Variants in PSD3 observed in about 807,000 individuals in gnomAD.
PSD3 encodes PH and SEC7 domain-containing protein 3.
Under a neutral mutation model 105.5 loss-of-function variants are expected in PSD3, and 49 were observed. That is an observed-to-expected ratio of 0.46 (90% CI 0.37 to 0.59). PSD3 has a LOEUF of 0.59. Among genes scored for constraint, PSD3 ranks in the 20% least tolerant of loss-of-function variants. The probability of loss-of-function intolerance (pLI) is 0.00; values close to 1 mark genes in which losing one functional copy is unlikely to be tolerated. For synonymous variants in PSD3, 557 were observed against 457.8 expected, an observed-to-expected ratio of 1.22 and a Z score of -2.77; for missense variants, 1,561 against 1,263.8, an observed-to-expected ratio of 1.24 and a Z score of -3.57.
chr8:18,916,887 G>GAA (rs113682944), intron 2 of PSD3, among the ~76,000 whole-genome samples: 6,949 of 150,874 alleles, frequency 0.046, 197 homozygotes, highest in Admixed American at 0.08. Flanking sequence ...TGAAGGAAAT[G>GAA]AAAAAAAAGG....
intron 1 of PSD3, among the ~76,000 whole-genome samples, chr8:19,041,351 G>A (rs898907708): frequency 2.0e-5 from 3 of 152,212 alleles, no homozygotes; most frequent in African/African-American, 7.2e-5. Context: ...GTGCCATAGG[G>A]AATGTTGTAC....
chr8:18,715,651 T>C (rs950653512), intron 9 of PSD3, among the ~76,000 whole-genome samples: 3 of 152,166 alleles, frequency 2.0e-5, no homozygotes, highest in African/African-American at 4.8e-5. Flanking sequence ...CAGGCATCAA[T>C]GCTCTACCTC....
chr8:18,617,892 T>C (rs553721387), intron 11 of PSD3, among the ~76,000 whole-genome samples: 227 of 152,308 alleles, frequency 1.5e-3, no homozygotes, highest in African/African-American at 5.3e-3. Flanking sequence ...AAATGCATTT[T>C]CTTTGACATA....
chr8:19,082,790 G>A (rs1245956597), intron 1 of PSD3, among the ~76,000 whole-genome samples: 1 of 152,236 alleles, frequency 6.6e-6, no homozygotes, highest in African/African-American at 2.4e-5. Flanking sequence ...GATGGGCTCT[G>A]ATGCAGGAGT....
chr8:18,787,068 G>C (rs1809235207), intron 8 of PSD3, among the ~76,000 whole-genome samples: 1 of 152,050 alleles, frequency 6.6e-6, no homozygotes, highest in African/African-American at 2.4e-5. Flanking sequence ...CTATTATTCA[G>C]GCAAACACTA....
intron 1 of PSD3, among the ~76,000 whole-genome samples, chr8:19,076,205 T>A (rs1207098462): frequency 6.6e-6 from 1 of 152,276 alleles, no homozygotes; most frequent in Non-Finnish European, 1.5e-5. Flanking sequence ...TCCATGAGCT[T>A]TCTCAAATGG....
rs113319688 is a variant in PSD3 at position 18,647,432 on chromosome 8, G to C, written c.2216+8210C>G. On this transcript the variant is annotated intron_variant, in intron 10 of 15. Transcript: ENST00000327040. ...TGTTATTGTTATAAAATGAGTTGTA[G>C]GGCAATATGAAATTGCAGGAAAGAT... Among the ~76,000 whole-genome samples the C allele has an allele frequency of 4.6e-5, 7 of 152,226 alleles. No individual in the cohort carries two copies. In the East Asian group the frequency reaches 7.7e-4, roughly 17 times the overall value.
chr8:18,625,055 A>G (rs1806379763), intron 11 of PSD3, among the ~76,000 whole-genome samples: 2 of 152,010 alleles, frequency 1.3e-5, no homozygotes, highest in African/African-American at 2.4e-5. Flanking sequence ...AATCTTAAGA[A>G]TTCACTTTCT....
At chr8:19,070,916 T>G (rs1347566871) in intron 1 of PSD3, among the ~76,000 whole-genome samples, 1 of 152,204 alleles carries the variant, frequency 6.6e-6, no homozygotes, top group Non-Finnish European at 1.5e-5. Context: ...ACTCTTTTCT[T>G]TAGTTAGGCT....
At chr8:18,973,690 C>A (rs1004320727) in intron 1 of PSD3, among the ~76,000 whole-genome samples, 8 of 152,128 alleles carry the variant, frequency 5.3e-5, no homozygotes, top group African/African-American at 1.9e-4. Flanking sequence ...ATATGAAAGG[C>A]CATATCTGAA....
chr8:18,934,449 C>G (rs995238144), intron 2 of PSD3, among the ~76,000 whole-genome samples: 1 of 152,066 alleles, frequency 6.6e-6, no homozygotes, highest in Non-Finnish European at 1.5e-5. Context: ...CTCGCTCTAT[C>G]GCCCAGGCTG....
At chr8:18,633,042 A>G (rs899037656) in intron 10 of PSD3, among the ~76,000 whole-genome samples, 5 of 151,994 alleles carry the variant, frequency 3.3e-5, no homozygotes, top group African/African-American at 1.2e-4. Context: ...AAGGAAATAG[A>G]CTCAGTGAGT....
At chr8:18,677,957 C>T (rs1327569326) in intron 9 of PSD3, among the ~76,000 whole-genome samples, 2 of 150,756 alleles carry the variant, frequency 1.3e-5, no homozygotes, top group African/African-American at 4.9e-5. Context: ...TTGCAGTGAG[C>T]CGAGATCAGG....
At chr8:18,537,896 C>T (rs910100186) in intron 15 of PSD3, among the ~76,000 whole-genome samples, 5 of 152,170 alleles carry the variant, frequency 3.3e-5, no homozygotes, top group African/African-American at 9.7e-5. Flanking sequence ...AGGCTGGCCT[C>T]GAACTCCTGA....
intron 1 of PSD3, among the ~76,000 whole-genome samples, chr8:19,031,210 C>G (rs1688568897): frequency 6.6e-6 from 1 of 152,148 alleles, no homozygotes; most frequent in Non-Finnish European, 1.5e-5. Context: ...GTCAAGTAAG[C>G]AAGAAATAAA....
rs893973399 is a variant in PSD3 at position 18,728,597 on chromosome 8, T to G, written c.2172+36852A>C. Among the ~76,000 whole-genome samples the G allele has an allele frequency of 2.0e-5, 3 of 151,844 alleles. No individual in the cohort carries two copies. In the East Asian group the frequency reaches 5.8e-4, roughly 29 times the overall value. ...TGAAGGAAGTTCAGTGGTTCTGGAG[T>G]ACATGGGCAGCAAAGAGCCAAAGCT... is the stretch of plus-strand genomic sequence containing the variant. On this transcript the variant is annotated intron_variant, in intron 9 of 15. Coordinates refer to ENST00000327040, the MANE Select transcript of PSD3 (RefSeq NM_015310.4).
intron 9 of PSD3, among the ~76,000 whole-genome samples, chr8:18,720,676 C>T (rs954041046): frequency 5.9e-5 from 9 of 152,014 alleles, no homozygotes; most frequent in Non-Finnish European, 1.2e-4. Context: ...TAGTACAAAC[C>T]CATCCTCCCT....
intron 9 of PSD3, among the ~76,000 whole-genome samples, chr8:18,691,564 A>T (rs1003368985): frequency 6.6e-6 from 1 of 152,254 alleles, no homozygotes; most frequent in Non-Finnish European, 1.5e-5. Context: ...CAAAGTAAAC[A>T]CAAAATGCAA....
At chr8:18,903,211 T>G (rs534656958) in intron 2 of PSD3, among the ~76,000 whole-genome samples, 1 of 152,278 alleles carries the variant, frequency 6.6e-6, no homozygotes, top group African/African-American at 2.4e-5. Context: ...AGGAAAGTGA[T>G]ACTCTGAAGG....
Sources: allele counts gnomAD v4.1 joint callset (sites outside exome capture counted in the v4.1 genomes callset), GRCh38; gene constraint gnomAD v4.1.1; transcripts MANE v1.5; gene names NCBI Gene and HGNC (gene_info 2026-07-23, HGNC 2026-07-21).